The following SYT7 variants were observed in gnomAD, a reference collection of about 807,000 sequenced individuals.
SYT7 encodes the protein synaptotagmin-7.
In SYT7, 29 loss-of-function variants were observed where a neutral mutation model predicts 75.1. That is an observed-to-expected ratio of 0.39 (90% confidence interval 0.29 to 0.53). The LOEUF is 0.53. Among genes scored for constraint, SYT7 ranks in the 20% least tolerant of loss-of-function variants. SYT7 has a pLI of 0.77. For synonymous variants in SYT7, 376 were observed against 401.7 expected (o/e 0.94, Z 0.76); for missense variants, 693 against 953.2 (o/e 0.73, Z 3.59).
chr11:61,567,343 G>GCCGCC (rs1555018655), intron 1 of SYT7, among the ~76,000 whole-genome samples: 2 of 150,638 alleles, frequency 1.3e-5, no homozygotes, highest in African/African-American at 5.0e-5. Context: ...TGAGCGCCCC[G>GCCGCC]CCCCCCAGAG....
At chr11:61,570,360 T>C (rs1371497087) in intron 1 of SYT7, among the ~76,000 whole-genome samples, 1 of 152,112 alleles carries the variant, frequency 6.6e-6, no homozygotes, top group Non-Finnish European at 1.5e-5. Context: ...GGAACTCACG[T>C]TTGTGGAGCA....
Position 61,523,301 on chromosome 11 carries a change from G to C in SYT7, c.1757-27C>G, listed in dbSNP as rs200762959. The C allele has an allele frequency of 2.5e-6, 4 of 1,607,114 alleles. No individual in the cohort carries two copies. The East Asian group carries it at 8.9e-5, about 36-fold the overall frequency. The stretch of plus-strand genomic sequence containing the variant: ...TAGGGGAGGGAGTGGGGAAGGGTTA[G>C]AGGGACCGTGGGGGAGGGACTTCCT... On this transcript the variant is annotated intron_variant, in intron 11 of 12. Transcript: ENST00000539008. The surrounding 1 kb of genome is among the most constrained non-coding windows in gnomAD (Gnocchi z 5.0).
upstream of SYT7, among the ~76,000 whole-genome samples, chr11:61,584,515 C>T (rs2064346153): frequency 6.6e-6 from 1 of 152,188 alleles, no homozygotes; most frequent in African/African-American, 2.4e-5. Flanking sequence ...ACGACACATA[C>T]TCCCCATTCC....
At position 61,537,100 on chromosome 11, in the gene SYT7, G is replaced by A. The variant is rs1001652214; in HGVS notation, c.1064+1044C>T. 3.3e-5 allele frequency among the ~76,000 whole-genome samples: 5 copies of A among 152,332 alleles called. No individual in the cohort carries two copies. The East Asian group carries it at 7.7e-4, about 24-fold the overall frequency. On this transcript the variant is annotated intron_variant, in intron 7 of 12. Coordinates refer to ENST00000539008, the MANE Select transcript of SYT7 (RefSeq NM_001365809.2). ...ATGAGGCTCTGGCAGAACCAGAGCTGGAAGGCAGATGTCTGGGCTGCCAGG... is the reference window on the plus strand; with the variant it reads ...ATGAGGCTCTGGCAGAACCAGAGCTAGAAGGCAGATGTCTGGGCTGCCAGG...
At chr11:61,586,506 A>T in the SYT7 span, among the ~76,000 whole-genome samples, 1 of 152,194 alleles carries the variant, frequency 6.6e-6, no homozygotes, top group African/African-American at 2.4e-5. Context: ...TCATTTTACC[A>T]GTCTGTACCA....
chr11:61,576,224 A>G lies in SYT7; in HGVS notation c.31+4566T>C, dbSNP rs560139638. On this transcript the variant is annotated intron_variant, in intron 1 of 12. Coordinates refer to ENST00000539008, the MANE Select transcript of SYT7 (RefSeq NM_001365809.2). The surrounding 1 kb of genome is among the most constrained non-coding windows in gnomAD (Gnocchi z 4.1). ...TGCAGACACTAGTTGGACAGGGCCC[A>G]GCAGGGCTGCCCCTGCTGCCTGGAA... 7.2e-4 allele frequency among the ~76,000 whole-genome samples: 109 copies of G among 152,360 alleles called. No homozygotes were observed. In the South Asian group the frequency reaches 0.02, roughly 28 times the overall value.
intron 1 of SYT7, among the ~76,000 whole-genome samples, chr11:61,566,037 C>G (rs910541153): frequency 2.6e-5 from 4 of 152,190 alleles, no homozygotes; most frequent in Non-Finnish European, 5.9e-5. Flanking sequence ...AGGGACATGT[C>G]GGGATCCACA....
intron 1 of SYT7, among the ~76,000 whole-genome samples, chr11:61,558,479 TATATATACACACACACACACACAC>T (rs2063552766): frequency 7.2e-6 from 1 of 139,526 alleles, no homozygotes; most frequent in African/African-American, 3.0e-5. Flanking sequence ...CAAAAAAATA[TATATATACACACACACACACACAC>T]ATACACACAC....
chr11:61,525,072 T>C (rs940054604), intron 9 of SYT7, among the ~76,000 whole-genome samples: 1 of 152,176 alleles, frequency 6.6e-6, no homozygotes, highest in African/African-American at 2.4e-5. Context: ...CTCCTGCCTG[T>C]GCTTCCATCC....
Position 61,549,319 on chromosome 11 carries a change from T to C in SYT7, c.216-2011A>G, listed in dbSNP as rs1298432450. 2.6e-5 allele frequency among the ~76,000 whole-genome samples: 4 copies of C among 152,192 alleles called. No individual in the cohort carries two copies. The East Asian group carries it at 7.7e-4, about 29-fold the overall frequency. On this transcript the variant is annotated intron_variant, in intron 3 of 12. Transcript: ENST00000539008. ...AGAAATTTGGGAAACACTGATTCCT[T>C]TACCGCAGGACTTCTCAGAGCCTTT... is the stretch of plus-strand genomic sequence containing the variant.
rs754873512 is a variant in SYT7 at position 61,523,595 on chromosome 11, G to A, written c.1756+232C>T. 1.3e-5 allele frequency among the ~76,000 whole-genome samples: 2 copies of A among 152,166 alleles called. No homozygotes were observed. Among genetic ancestry groups the A allele is most frequent in the East Asian group, 3.9e-4 (2 of 5,192 alleles). On this transcript the variant is annotated intron_variant, in intron 11 of 12. Coordinates refer to ENST00000539008, the MANE Select transcript of SYT7 (RefSeq NM_001365809.2). This position sits in a 1 kb window ranked among gnomAD's most constrained non-coding sequence, Gnocchi z 5.0. Reference sequence around the variant, plus strand: ...CAATGTTCCCTCTTTCTGATTCTTGGAAGAACATAATCCAGGATGATGCTG... The same window carrying A: ...CAATGTTCCCTCTTTCTGATTCTTGAAAGAACATAATCCAGGATGATGCTG...
chr11:61,570,882 T>C (rs1207540992), intron 1 of SYT7, among the ~76,000 whole-genome samples: 1 of 152,128 alleles, frequency 6.6e-6, no homozygotes, highest in Non-Finnish European at 1.5e-5. Context: ...CATCAAAGGG[T>C]AGGACCAGAT....
intron 12 of SYT7, among the ~76,000 whole-genome samples, chr11:61,522,284 G>A (rs1166380379): frequency 6.6e-6 from 1 of 151,150 alleles, no homozygotes; most frequent in East Asian, 1.9e-4. Flanking sequence ...CTGCCTCCTG[G>A]GTACAAGGGA....
At chr11:61,568,319 C>T (rs1468995414) in intron 1 of SYT7, among the ~76,000 whole-genome samples, 1 of 152,178 alleles carries the variant, frequency 6.6e-6, no homozygotes, top group Non-Finnish European at 1.5e-5. Context: ...AATAATACCA[C>T]GTGAAAAGCC....
intron 5 of SYT7, among the ~76,000 whole-genome samples, chr11:61,543,422 T>G (rs1282918801): frequency 6.6e-6 from 1 of 152,170 alleles, no homozygotes; most frequent in African/African-American, 2.4e-5. Context: ...CAAAGGCCCA[T>G]CAGTAATCTC....
Position 61,579,492 on chromosome 11 carries a change from C to T in SYT7, c.31+1298G>A, listed in dbSNP as rs148500800. ...CTGAGTGAGGGCAGTGCCTGGCGCC[C>T]AGTGGGTCGTCCTCAATATCGACTG... On this transcript the variant is annotated intron_variant, in intron 1 of 12. Transcript: ENST00000539008. Among the ~76,000 whole-genome samples the T allele has an allele frequency of 4.4e-3, 676 of 152,170 alleles. 4 individuals are homozygous for T. Among genetic ancestry groups the T allele is most frequent in the African/African-American group, 0.016 (648 of 41,576 alleles).
chr11:61,572,773 C>T (rs1431740021), intron 1 of SYT7, among the ~76,000 whole-genome samples: 1 of 152,158 alleles, frequency 6.6e-6, no homozygotes, highest in Non-Finnish European at 1.5e-5. Context: ...AAGACAGGAG[C>T]CCACAGTTCA....
At chr11:61,537,910 G>C (rs1312180407) in intron 7 of SYT7, among the ~76,000 whole-genome samples, 1 of 152,198 alleles carries the variant, frequency 6.6e-6, no homozygotes, top group East Asian at 1.9e-4. Context: ...ATGCCAGAGA[G>C]CAGGCCTGAT....
At chr11:61,574,000 G>A (rs565770148) in intron 1 of SYT7, among the ~76,000 whole-genome samples, 2 of 152,352 alleles carry the variant, frequency 1.3e-5, no homozygotes, top group South Asian at 2.1e-4. Context: ...GGCACATAGT[G>A]AGCACACAAC....
Sources: gnomAD v4.1 joint callset for allele counts (sites outside exome capture counted in the v4.1 genomes callset) on GRCh38, gnomAD v4.1.1 for gene constraint, Gnocchi (gnomAD v3.1) non-coding constraint, MANE v1.5 for transcripts, NCBI Gene and HGNC (gene_info 2026-07-23, HGNC 2026-07-21) for gene names.